The following RNGTT variants were observed in gnomAD, a reference collection of about 807,000 sequenced individuals.
The protein encoded by RNGTT is RNA guanylyltransferase and 5'-phosphatase.
RNGTT carries 33 observed loss-of-function variants against 79.3 expected under a neutral mutation model. The observed-to-expected ratio is 0.42, with a 90% CI of 0.32 to 0.56. The LOEUF is 0.56. RNGTT is among the 20% of genes least tolerant of loss of function. RNGTT has a pLI of 0.17. For missense variants in RNGTT, 497 were observed against 739.1 expected, an observed-to-expected ratio of 0.67 and a Z score of 3.80; for synonymous variants, 222 against 235.9, an observed-to-expected ratio of 0.94 and a Z score of 0.54.
rs1381882131 is a variant in RNGTT, at chr6:88,714,483, C to T, written c.1440-36064G>A. The stretch of plus-strand genomic sequence containing the variant: ...TTTGAGACGGAGTCTCGCTCTGTCG[C>T]CCAGGCTGGAGTGCAGTGGCGGGAT... On this transcript the variant is annotated intron_variant, in intron 13 of 15. Coordinates refer to ENST00000369485, the MANE Select transcript of RNGTT (RefSeq NM_003800.5). The T allele has an allele frequency of 6.8e-5, 6 of 88,582 alleles. 2 individuals carry two copies. Among genetic ancestry groups the T allele is most frequent in the Admixed American group, 5.6e-4 (6 of 10,772 alleles). The allele number at this position is 88,582 out of a possible 1,614,324, so 5.5% of individuals were successfully genotyped here.
chr6:88,878,545 A>C (rs1782592940), intron 8 of RNGTT, among the ~76,000 whole-genome samples: 1 of 152,232 alleles, frequency 6.6e-6, no homozygotes, highest in Non-Finnish European at 1.5e-5. Context: ...TCCCCAGAAC[A>C]ATTAAAAAAG....
intron 13 of RNGTT, among the ~76,000 whole-genome samples, chr6:88,763,637 G>C (rs1778344931): frequency 6.6e-6 from 1 of 152,114 alleles, no homozygotes; most frequent in Admixed American, 6.5e-5. Flanking sequence ...TATTAAGAGT[G>C]ATAAAGAGGA....
chr6:88,729,585 A>G (rs977115023), intron 13 of RNGTT, among the ~76,000 whole-genome samples: 1 of 152,194 alleles, frequency 6.6e-6, no homozygotes, highest in Non-Finnish European at 1.5e-5. Flanking sequence ...GATAAACTAC[A>G]TCTATTATAA....
At chr6:88,624,929 C>T (rs1680636151) in intron 14 of RNGTT, among the ~76,000 whole-genome samples, 1 of 151,688 alleles carries the variant, frequency 6.6e-6, no homozygotes, top group South Asian at 2.1e-4. Flanking sequence ...AGACACTTTA[C>T]CAAAGAAGCT....
intron 11 of RNGTT, among the ~76,000 whole-genome samples, chr6:88,824,773 G>A (rs9362569): frequency 0.13 from 19,764 of 148,400 alleles, 1,444 homozygotes; most frequent in Middle Eastern, 0.24. Context: ...TTTCTTTTTG[G>A]AGACGTCTTA....
intron 2 of RNGTT, among the ~76,000 whole-genome samples, chr6:88,939,374 GC>G (rs1473591238): frequency 6.6e-6 from 1 of 151,930 alleles, no homozygotes; most frequent in Non-Finnish European, 1.5e-5. Context: ...TCTTTCTTCT[GC>G]CTGATCTAGT....
At chr6:88,913,905 A>T (rs879763015) in intron 4 of RNGTT, among the ~76,000 whole-genome samples, 20 of 152,156 alleles carry the variant, frequency 1.3e-4, no homozygotes, top group Non-Finnish European at 2.4e-4. Context: ...ATAGGAAGAG[A>T]GGACATCATA....
chr6:88,880,758 T>A (rs1782671227), intron 8 of RNGTT, among the ~76,000 whole-genome samples: 1 of 152,194 alleles, frequency 6.6e-6, no homozygotes, highest in South Asian at 2.1e-4. Context: ...CAGAAAGAAT[T>A]AAAATAAAAG....
At chr6:88,762,521 T>C (rs1778303813) in intron 13 of RNGTT, among the ~76,000 whole-genome samples, 1 of 152,190 alleles carries the variant, frequency 6.6e-6, no homozygotes, top group African/African-American at 2.4e-5. Context: ...TATATACAAG[T>C]TGGCAAATAC....
intron 14 of RNGTT, among the ~76,000 whole-genome samples, chr6:88,645,336 C>G (rs1163733182): frequency 1.3e-5 from 2 of 152,072 alleles, no homozygotes; most frequent in East Asian, 1.9e-4. Flanking sequence ...ACAAACCACT[C>G]TTCAATGAAA....
chr6:88,927,733 C>T (rs1371188424), intron 4 of RNGTT, among the ~76,000 whole-genome samples: 19 of 150,866 alleles, frequency 1.3e-4, no homozygotes, highest in African/African-American at 4.6e-4. Flanking sequence ...ACTCAGGGGG[C>T]TGAGGTGGGA....
chr6:88,753,413 A>G (rs1777903362), intron 13 of RNGTT, among the ~76,000 whole-genome samples: 1 of 152,008 alleles, frequency 6.6e-6, no homozygotes, highest in Non-Finnish European at 1.5e-5. Flanking sequence ...CAAAGGCAGG[A>G]GGACTGCTGG....
At chr6:88,775,848 T>C (rs1186593244) in intron 12 of RNGTT, among the ~76,000 whole-genome samples, 1 of 152,204 alleles carries the variant, frequency 6.6e-6, no homozygotes, top group African/African-American at 2.4e-5. Context: ...TCCAGCTCCA[T>C]CCATGTTGTT....
chr6:88,739,363 GA>G (rs2127824087), intron 13 of RNGTT, among the ~76,000 whole-genome samples: 1 of 152,136 alleles, frequency 6.6e-6, no homozygotes, highest in African/African-American at 2.4e-5. Flanking sequence ...GCAAGCAAGG[GA>G]AATGAAGAAC....
intron 13 of RNGTT, among the ~76,000 whole-genome samples, chr6:88,692,656 A>G (rs1353877041): frequency 1.3e-5 from 2 of 152,118 alleles, no homozygotes; most frequent in Non-Finnish European, 2.9e-5. Context: ...GGGAAGGATT[A>G]GAAAAAGACA....
At chr6:88,850,850 A>C (rs1428356343) in intron 9 of RNGTT, among the ~76,000 whole-genome samples, 1 of 152,062 alleles carries the variant, frequency 6.6e-6, no homozygotes, top group Non-Finnish European at 1.5e-5. Context: ...TAGCAATCAC[A>C]ATCAAAGATG....
rs140434346 is a variant in RNGTT, at chr6:88,851,546, A to G, written c.1033-1720T>C. Among the ~76,000 whole-genome samples, 761 of 152,122 alleles carry G rather than the reference A, an allele frequency of 5.0e-3. 5 individuals are homozygous for G. Among genetic ancestry groups the G allele is most frequent in the African/African-American group, 0.017 (702 of 41,560 alleles). On this transcript the variant is annotated intron_variant, in intron 9 of 15. Transcript: ENST00000369485. ...GCTATATTCTTATCTTAGTCTCAAT[A>G]TTAAGTTGATTAAATTTCACTGATG... is the stretch of plus-strand genomic sequence containing the variant.
chr6:88,900,213 A>G (rs1783403110), intron 6 of RNGTT, among the ~76,000 whole-genome samples: 1 of 152,132 alleles, frequency 6.6e-6, no homozygotes, highest in African/African-American at 2.4e-5. Flanking sequence ...CAGGAGACCG[A>G]CATATTAGTT....
At position 88,815,892 on chromosome 6, in the gene RNGTT, G is replaced by A. The variant is rs564321127; in HGVS notation, c.1270-14260C>T. ...GTTCTGCAGCCTAATAAAGTAACAG[G>A]AAAATGGAAGTGAGACTTTCAGAAA... On this transcript the variant is annotated intron_variant, in intron 11 of 15. Coordinates refer to ENST00000369485, the MANE Select transcript of RNGTT (RefSeq NM_003800.5). Among the ~76,000 whole-genome samples, 9 of 152,242 alleles carry A rather than the reference G, an allele frequency of 5.9e-5. No homozygotes were observed. In the South Asian group the frequency reaches 1.7e-3, roughly 28 times the overall value.
Sources: gnomAD v4.1 joint callset for allele counts (sites outside exome capture counted in the v4.1 genomes callset) on GRCh38, gnomAD v4.1.1 for gene constraint, MANE v1.5 for transcripts, NCBI Gene and HGNC (gene_info 2026-07-23, HGNC 2026-07-21) for gene names.